The following TSHR variants were observed in gnomAD, a reference collection of about 807,000 sequenced individuals.
The protein encoded by TSHR is thyrotropin receptor.
TSHR carries 51 observed loss-of-function variants against 64.1 expected under a neutral mutation model. The observed-to-expected ratio is 0.80, with a 90% CI of 0.64 to 1.01. The LOEUF (loss-of-function observed/expected upper bound fraction) is 1.01, where lower values mean the gene tolerates loss of function less well. Ranked by LOEUF, TSHR falls within the 50% of genes least tolerant of loss-of-function variation. The probability of loss-of-function intolerance (pLI) is 0.00; values close to 1 mark genes in which losing one functional copy is unlikely to be tolerated. For missense variants in TSHR, 877 were observed against 942.8 expected (o/e 0.93, Z 0.91); for synonymous variants, 361 against 361.9 (o/e 1.00, Z 0.03).
chr14:80,971,643 AGGT>A (rs1306151234), intron 1 of TSHR, among the ~76,000 whole-genome samples: 12 of 152,196 alleles, frequency 7.9e-5, no homozygotes, highest in Non-Finnish European at 1.3e-4. Flanking sequence ...GGGGGCAGAT[AGGT>A]GAATTGAAAG....
chr14:81,030,796 A>C (rs1884309957), intron 1 of TSHR, among the ~76,000 whole-genome samples: 1 of 152,138 alleles, frequency 6.6e-6, no homozygotes, highest in African/African-American at 2.4e-5. Flanking sequence ...TTGTCAGGAG[A>C]AAATATGTAT....
intron 1 of TSHR, among the ~76,000 whole-genome samples, chr14:80,966,028 G>A (rs1490867223): frequency 6.6e-6 from 1 of 152,114 alleles, no homozygotes; most frequent in African/African-American, 2.4e-5. Context: ...TTTTCTTTCA[G>A]AAAACATGAT....
intron 8 of TSHR, among the ~76,000 whole-genome samples, chr14:81,113,847 A>G (rs28730923): frequency 0.07 from 10,645 of 152,230 alleles, 950 homozygotes; most frequent in East Asian, 0.23. Context: ...GAAGCTGGTC[A>G]GTCTCATTCT....
At chr14:81,099,914 C>G (rs778034641) in intron 7 of TSHR, among the ~76,000 whole-genome samples, 30 of 152,134 alleles carry the variant, frequency 2.0e-4, no homozygotes, top group Non-Finnish European at 3.7e-4. Context: ...CTAAGTGGAT[C>G]TCAGTGTAGG....
At chr14:81,048,508 G>T (rs558112981) in intron 1 of TSHR, among the ~76,000 whole-genome samples, 31 of 152,246 alleles carry the variant, frequency 2.0e-4, no homozygotes, top group Admixed American at 1.4e-3. Flanking sequence ...GTGTATGTGC[G>T]AGTGTGTCCT....
chr14:81,007,846 G>A (rs1384052976), intron 1 of TSHR, among the ~76,000 whole-genome samples: 1 of 152,184 alleles, frequency 6.6e-6, no homozygotes, highest in Non-Finnish European at 1.5e-5. Flanking sequence ...GAGAGAGCAG[G>A]ATCACTTAGG....
intron 1 of TSHR, among the ~76,000 whole-genome samples, chr14:80,989,693 C>T (rs144826297): frequency 1.4e-4 from 22 of 152,272 alleles, no homozygotes; most frequent in African/African-American, 4.6e-4. Context: ...GTGTGGATTG[C>T]ATTTTAGTCT....
At chr14:80,958,659 CT>C (rs1047586587) in intron 1 of TSHR, among the ~76,000 whole-genome samples, 45 of 151,892 alleles carry the variant, frequency 3.0e-4, no homozygotes, top group Non-Finnish European at 5.7e-4. Context: ...AAATCTAGAT[CT>C]TTTTTTACAT....
rs1470400334 is a variant in TSHR at position 81,103,511 on chromosome 14, T to A, written c.615-4864T>A. ...CTGAATAATACAATTACAGCCAAGC[T>A]GGACAAATTCCACATCGAGTGCAAG... On this transcript the variant is annotated intron_variant, in intron 7 of 9. Coordinates refer to ENST00000298171, the MANE Select transcript of TSHR (RefSeq NM_000369.5). This position sits in a 1 kb window ranked among gnomAD's most constrained non-coding sequence, Gnocchi z 4.1. 1.0e-6 allele frequency: 1 copy of A among 985,364 alleles called. No individual in the cohort carries two copies. Among genetic ancestry groups the A allele is most frequent in the Non-Finnish European group, 1.2e-6 (1 of 829,950 alleles). The allele number at this position is 985,364 out of a possible 1,614,324, so 61.0% of individuals were successfully genotyped here.
chr14:81,017,240 T>C (rs757368654), intron 1 of TSHR, among the ~76,000 whole-genome samples: 28 of 152,234 alleles, frequency 1.8e-4, no homozygotes, highest in Non-Finnish European at 3.1e-4. Flanking sequence ...GGGGATTAAA[T>C]GTGGCCAATG....
At chr14:80,993,825 A>G (rs1408336170) in intron 1 of TSHR, 1 of 149,742 alleles carries the variant, frequency 6.7e-6, no homozygotes, top group Non-Finnish European at 1.5e-5. Flanking sequence ...CTCTTTTCCC[A>G]TGTAGACAAA....
rs1381275975 is a variant in TSHR at position 81,144,432 on chromosome 14, A to G, written c.*79A>G. On this transcript the variant is annotated 3_prime_UTR_variant, in exon 10 of 10. Transcript: ENST00000298171. ...TGAATATGCATTCCAATCCCATGAC[A>G]CCCCCAACACATAGCTGCCCTCACT... 1 of 1,403,096 alleles carries G rather than the reference A, an allele frequency of 7.1e-7. No homozygotes were observed. Among genetic ancestry groups the G allele is most frequent in the Non-Finnish European group, 1.0e-6 (1 of 1,001,176 alleles). The allele number at this position is 1,403,096 out of a possible 1,614,324, so 86.9% of individuals were successfully genotyped here.
intron 1 of TSHR, among the ~76,000 whole-genome samples, chr14:81,045,617 C>T (rs1235331338): frequency 6.6e-6 from 1 of 152,104 alleles, no homozygotes; most frequent in Non-Finnish European, 1.5e-5. Flanking sequence ...TCATTCAGCT[C>T]CCACTTGGTT....
chr14:81,067,985 A>G (rs1886776748), intron 2 of TSHR, among the ~76,000 whole-genome samples: 1 of 142,814 alleles, frequency 7.0e-6, no homozygotes, highest in Non-Finnish European at 1.5e-5. Context: ...AATTTTAATC[A>G]GGGAGTTTGG....
intron 7 of TSHR, chr14:81,105,045 G>A (rs1889808343): frequency 3.0e-6 from 3 of 985,224 alleles, no homozygotes; most frequent in Non-Finnish European, 2.4e-6. Context: ...TCTCTTTTAA[G>A]CTACTTTATG....
In TSHR at chr14:81,105,252, C is replaced by A. The variant is rs1050640244; in HGVS notation, c.615-3123C>A. Reference sequence around the variant, plus strand: ...CTAGACTGATAATCCCAGGAAATGTCATGTGATAAATGAGGTTGATGGAAG... The same window carrying A: ...CTAGACTGATAATCCCAGGAAATGTAATGTGATAAATGAGGTTGATGGAAG... On this transcript the variant is annotated intron_variant, in intron 7 of 9. Coordinates refer to ENST00000298171, the MANE Select transcript of TSHR (RefSeq NM_000369.5). The A allele has an allele frequency of 4.1e-6, 4 of 984,578 alleles. No individual in the cohort carries two copies. In the African/African-American group the frequency reaches 7.0e-5, roughly 17 times the overall value. 61.0% of individuals were successfully genotyped at this position (984,578 alleles called of 1,614,324 possible).
Position 80,981,159 on chromosome 14 carries a change from G to T in TSHR, c.170+25309G>T, listed in dbSNP as rs75035179. ...TTTATCATTGAGAAAATGGCTCAAG[G>T]GGAGTTCCACAATTGTTTCCAACAG... On this transcript the variant is annotated intron_variant, in intron 1 of 9. Transcript: ENST00000298171. 7.1e-3 allele frequency among the ~76,000 whole-genome samples: 1,075 copies of T among 151,992 alleles called. 18 individuals carry two copies. The highest frequency in any genetic ancestry group is 0.024 in the African/African-American group (1,002 of 41,440).
intron 1 of TSHR, chr14:81,053,285 A>G (rs1372674730): frequency 6.6e-6 from 1 of 152,214 alleles, no homozygotes; most frequent in Non-Finnish European, 1.5e-5. Context: ...CACATTGGGA[A>G]GGGCAAGCTG....
intron 8 of TSHR, among the ~76,000 whole-genome samples, chr14:81,135,179 A>G (rs28661095): frequency 0.071 from 10,833 of 152,274 alleles, 936 homozygotes; most frequent in East Asian, 0.24. Flanking sequence ...TCCTTCACAC[A>G]GCCTAAGAAA....
Sources: allele counts gnomAD v4.1 joint callset (sites outside exome capture counted in the v4.1 genomes callset), GRCh38; gene constraint gnomAD v4.1.1; non-coding constraint Gnocchi (gnomAD v3.1); transcripts MANE v1.5; gene names NCBI Gene and HGNC (gene_info 2026-07-23, HGNC 2026-07-21).